GLI3: variants seen among roughly 807,000 people sequenced by gnomAD.
GLI3 encodes GLI family zinc finger 3.
A neutral mutation model predicts 100.8 loss-of-function variants in GLI3; 20 were observed. The ratio of observed to expected loss-of-function variants is 0.20; its 90% CI spans 0.14 to 0.29. The LOEUF is 0.29. GLI3 is among the 10% of genes least tolerant of loss of function. The pLI is 1.00. For synonymous variants in GLI3, 938 were observed against 860.5 expected (o/e 1.09, Z -1.58); for missense variants, 2,040 against 2,128.5 (o/e 0.96, Z 0.82).
At chr7:42,116,451 C>G (rs1389726461) in intron 3 of GLI3, among the ~76,000 whole-genome samples, 1 of 150,380 alleles carries the variant, frequency 6.6e-6, no homozygotes, top group African/African-American at 2.5e-5. Flanking sequence ...TCATTAATAC[C>G]CAGAGGATCA....
At chr7:42,209,985 T>TG (rs1401734931) in intron 2 of GLI3, among the ~76,000 whole-genome samples, 2 of 13,460 alleles carry the variant, frequency 1.5e-4, no homozygotes, top group African/African-American at 4.4e-4. Flanking sequence ...TTTAAGAATC[T>TG]GAAAAAAAAA....
chr7:42,065,541 T>C (rs972356804), intron 4 of GLI3, among the ~76,000 whole-genome samples: 2 of 152,204 alleles, frequency 1.3e-5, no homozygotes, highest in Admixed American at 6.6e-5. Context: ...CAGCTGTTCA[T>C]TTCTGTCCCA....
intron 2 of GLI3, among the ~76,000 whole-genome samples, chr7:42,160,567 G>A (rs1787109413): frequency 6.6e-6 from 1 of 152,150 alleles, no homozygotes; most frequent in African/African-American, 2.4e-5. Flanking sequence ...GTGGCATCAC[G>A]TTGGTGCTCC....
At chr7:42,092,417 G>C (rs554564835) in intron 3 of GLI3, among the ~76,000 whole-genome samples, 1 of 152,168 alleles carries the variant, frequency 6.6e-6, no homozygotes, top group African/African-American at 2.4e-5. Flanking sequence ...AAGAACCAGG[G>C]CAGGAGCGCA....
rs74938651 is a variant in GLI3 at position 42,048,210 on chromosome 7, T to G, written c.679+281A>C. 6.8e-3 allele frequency among the ~76,000 whole-genome samples: 1,038 copies of G among 152,278 alleles called. 16 individuals are homozygous for G. The highest frequency in any genetic ancestry group is 0.023 in the African/African-American group (968 of 41,554). On this transcript the variant is annotated intron_variant, in intron 5 of 14. Coordinates refer to ENST00000395925, the MANE Select transcript of GLI3 (RefSeq NM_000168.6). ...AGGGATTTGGGAATCAGAAACATTT[T>G]CAATGAATTCCACCTCTGCCCCTTA... is the stretch of plus-strand genomic sequence containing the variant.
chr7:41,975,069 A>G (rs1428560161), intron 12 of GLI3, among the ~76,000 whole-genome samples: 3 of 152,208 alleles, frequency 2.0e-5, no homozygotes, highest in Non-Finnish European at 4.4e-5. Flanking sequence ...GTTCAACCGA[A>G]TCAGAGCTCA....
intron 2 of GLI3, among the ~76,000 whole-genome samples, chr7:42,160,813 A>G (rs1053952843): frequency 3.3e-5 from 5 of 152,194 alleles, no homozygotes; most frequent in African/African-American, 1.2e-4. Context: ...AGACCAGTGG[A>G]CGCCTTCACC....
intron 2 of GLI3, among the ~76,000 whole-genome samples, chr7:42,202,329 C>T (rs1347300235): frequency 3.2e-5 from 1 of 31,442 alleles, no homozygotes; most frequent in African/African-American, 6.3e-5. Flanking sequence ...GTCTCTCTCT[C>T]TCTCTCTCTC....
Position 42,211,578 on chromosome 7 carries a change from T to C in GLI3, c.124+11552A>G, listed in dbSNP as rs529916479. On this transcript the variant is annotated intron_variant, in intron 2 of 14. Transcript: ENST00000395925. ...TTTACATTGATGTAAGTTCCATTAT[T>C]TCAACCATGCCATTGTTCTAAATCT... 2.0e-5 allele frequency among the ~76,000 whole-genome samples: 3 copies of C among 152,376 alleles called. No homozygotes were observed. In the East Asian group the frequency reaches 5.8e-4, roughly 29 times the overall value.
chr7:42,093,204 A>G (rs138479985), intron 3 of GLI3, among the ~76,000 whole-genome samples: 5,043 of 150,412 alleles, frequency 0.034, 287 homozygotes, highest in African/African-American at 0.12. Flanking sequence ...ACATGGAGAA[A>G]CCCCGTCTCT....
At chr7:42,124,007 GC>G (rs1268436884) in intron 3 of GLI3, among the ~76,000 whole-genome samples, 2 of 152,118 alleles carry the variant, frequency 1.3e-5, no homozygotes, top group African/African-American at 4.8e-5. Flanking sequence ...GGCCCCTGAT[GC>G]CCACCGAGTC....
chr7:42,172,686 C>T (rs1484841287), intron 2 of GLI3: 3 of 698,916 alleles, frequency 4.3e-6, no homozygotes, highest in African/African-American at 1.7e-5. Flanking sequence ...CAAATGGTTG[C>T]CTGGGAGAAG....
chr7:42,055,858 T>C (rs1303755504), intron 4 of GLI3, among the ~76,000 whole-genome samples: 1 of 152,232 alleles, frequency 6.6e-6, no homozygotes, highest in Non-Finnish European at 1.5e-5. Context: ...ATCTCTTCAT[T>C]GGATATACAT....
At chr7:41,974,230 C>T (rs1233513144) in intron 12 of GLI3, among the ~76,000 whole-genome samples, 3 of 152,148 alleles carry the variant, frequency 2.0e-5, no homozygotes, top group Admixed American at 6.5e-5. Flanking sequence ...ACAAATGTGT[C>T]GGCTCCTGCA....
At chr7:42,063,247 G>A (rs986618768) in intron 4 of GLI3, among the ~76,000 whole-genome samples, 2 of 152,042 alleles carry the variant, frequency 1.3e-5, no homozygotes, top group Non-Finnish European at 2.9e-5. Flanking sequence ...GCTCTCAGGG[G>A]AAAAAATCTT....
intron 10 of GLI3, among the ~76,000 whole-genome samples, chr7:42,012,289 C>T (rs758192638): frequency 3.3e-5 from 5 of 152,166 alleles, no homozygotes; most frequent in East Asian, 1.9e-4. Flanking sequence ...CGACAAGCCT[C>T]GTTATTAATC....
intron 2 of GLI3, among the ~76,000 whole-genome samples, chr7:42,214,203 C>T (rs181748808): frequency 2.0e-5 from 3 of 152,236 alleles, no homozygotes; most frequent in East Asian, 1.9e-4. Flanking sequence ...TCAAAGACCT[C>T]GGACTTTGAG....
intron 4 of GLI3, among the ~76,000 whole-genome samples, chr7:42,076,060 C>T (rs1342620199): frequency 6.6e-6 from 1 of 152,124 alleles, no homozygotes; most frequent in Non-Finnish European, 1.5e-5. Context: ...GAGAGTGGCT[C>T]CAATTATTAT....
chr7:42,126,634 T>C (rs1050119450), intron 3 of GLI3, among the ~76,000 whole-genome samples: 4 of 152,150 alleles, frequency 2.6e-5, no homozygotes, highest in Admixed American at 2.0e-4. Context: ...TGGTAAGCAA[T>C]GAGTAAAGGA....
Sources: allele counts gnomAD v4.1 joint callset (sites outside exome capture counted in the v4.1 genomes callset), GRCh38; gene constraint gnomAD v4.1.1; transcripts MANE v1.5; gene names NCBI Gene and HGNC (gene_info 2026-07-23, HGNC 2026-07-21).